The following SHISA6 variants were observed in gnomAD, a reference collection of about 807,000 sequenced individuals.
SHISA6 encodes the protein shisa family member 6, also known as protein shisa-6.
In SHISA6, 22 loss-of-function variants were observed where a neutral mutation model predicts 47.9. The ratio of observed to expected loss-of-function variants is 0.46; its 90% confidence interval spans 0.33 to 0.66. SHISA6 has a LOEUF of 0.66. Ranked by LOEUF, SHISA6 falls within the 30% of genes least tolerant of loss-of-function variation. The pLI, the probability that SHISA6 is intolerant of heterozygous loss-of-function variation, is 0.02. For missense variants in SHISA6, 680 were observed against 764.6 expected (o/e 0.89, Z 1.30); for synonymous variants, 388 against 337.8 (o/e 1.15, Z -1.63).
chr17:11,521,660 A>T (rs1412008224), intron 3 of SHISA6, among the ~76,000 whole-genome samples: 3 of 152,068 alleles, frequency 2.0e-5, no homozygotes, highest in Admixed American at 1.3e-4. Flanking sequence ...AAAATTAGCC[A>T]GGCAGAATGG....
At chr17:11,504,078 G>A (rs1335119805) in intron 3 of SHISA6, among the ~76,000 whole-genome samples, 2 of 152,192 alleles carry the variant, frequency 1.3e-5, no homozygotes, top group Non-Finnish European at 2.9e-5. Flanking sequence ...AAAGCAGTGG[G>A]TTGTATATAA....
At chr17:11,426,820 C>G (rs1447824095) in intron 3 of SHISA6, among the ~76,000 whole-genome samples, 1 of 152,008 alleles carries the variant, frequency 6.6e-6, no homozygotes, top group African/African-American at 2.4e-5. Flanking sequence ...GATTAGAAAG[C>G]CTTTCTCTAT....
intron 3 of SHISA6, among the ~76,000 whole-genome samples, chr17:11,387,617 G>T (rs1913240885): frequency 6.6e-6 from 1 of 152,204 alleles, no homozygotes; most frequent in African/African-American, 2.4e-5. Flanking sequence ...TAAGAGAGCA[G>T]GACAAGGGGA....
chr17:11,334,214 A>C (rs1400376148), intron 2 of SHISA6, among the ~76,000 whole-genome samples: 2 of 152,152 alleles, frequency 1.3e-5, no homozygotes, highest in African/African-American at 2.4e-5. Flanking sequence ...CTTGGGACTG[A>C]GCCTGTAAGT....
At chr17:11,306,199 G>A (rs1360482231) in intron 2 of SHISA6, among the ~76,000 whole-genome samples, 1 of 152,172 alleles carries the variant, frequency 6.6e-6, no homozygotes, top group Non-Finnish European at 1.5e-5. Flanking sequence ...TGGATCTTAA[G>A]CAATTCTCCT....
At chr17:11,335,029 CTA>C (rs1263967020) in intron 2 of SHISA6, among the ~76,000 whole-genome samples, 1 of 152,108 alleles carries the variant, frequency 6.6e-6, no homozygotes, top group Non-Finnish European at 1.5e-5. Context: ...TATTCAGTGG[CTA>C]TTGACAGGTG....
At chr17:11,496,772 A>G (rs1245104826) in intron 3 of SHISA6, among the ~76,000 whole-genome samples, 2 of 151,768 alleles carry the variant, frequency 1.3e-5, no homozygotes, top group East Asian at 3.9e-4. Flanking sequence ...AGAATGGGAT[A>G]GAAGTGGGAT....
chr17:11,423,326 TATAGATAGATAGATAGATAGATAG>T (rs57338481), intron 3 of SHISA6, among the ~76,000 whole-genome samples: 45 of 142,678 alleles, frequency 3.2e-4, no homozygotes, highest in African/African-American at 1.1e-3. Flanking sequence ...GTAACATATA[TATAGATAGATAGATAGATAGATAG>T]ATAGATAGAT....
intron 3 of SHISA6, among the ~76,000 whole-genome samples, chr17:11,381,842 C>T (rs1264758417): frequency 2.6e-5 from 4 of 152,170 alleles, no homozygotes; most frequent in African/African-American, 7.2e-5. Flanking sequence ...ACCACCTGCC[C>T]CTCCTGTGCG....
Position 11,532,496 on chromosome 17 carries a change from T to C in SHISA6, c.896-19400T>C, listed in dbSNP as rs187349356. On this transcript the variant is annotated intron_variant, in intron 3 of 5. Transcript: ENST00000441885. ...GGCTGTGCGCGCGCGTGTGTGTGTGTGCGCGCACGCGCGTATGTGTGTAAA... is the reference window on the plus strand; with the variant it reads ...GGCTGTGCGCGCGCGTGTGTGTGTGCGCGCGCACGCGCGTATGTGTGTAAA... 7.4e-4 allele frequency among the ~76,000 whole-genome samples: 112 copies of C among 152,302 alleles called. No homozygotes were observed. The East Asian group carries it at 0.01, about 14-fold the overall frequency.
chr17:11,420,980 G>A (rs1212831465), intron 3 of SHISA6, among the ~76,000 whole-genome samples: 1 of 152,142 alleles, frequency 6.6e-6, no homozygotes, highest in Non-Finnish European at 1.5e-5. Flanking sequence ...AGGACTGTAT[G>A]GGCTAAATGG....
intron 2 of SHISA6, chr17:11,289,449 T>G (rs1380159995): frequency 6.6e-6 from 1 of 152,052 alleles, no homozygotes; most frequent in East Asian, 1.9e-4. Flanking sequence ...AATTGGAAGT[T>G]TTCTTTTTCC....
intron 2 of SHISA6, among the ~76,000 whole-genome samples, chr17:11,329,732 A>G (rs567684020): frequency 6.6e-6 from 1 of 152,196 alleles, no homozygotes; most frequent in Non-Finnish European, 1.5e-5. Context: ...AGAAGATCCC[A>G]GCAAGGTCCA....
At chr17:11,426,058 C>G (rs1914603404) in intron 3 of SHISA6, among the ~76,000 whole-genome samples, 1 of 152,106 alleles carries the variant, frequency 6.6e-6, no homozygotes, top group African/African-American at 2.4e-5. Flanking sequence ...TGTTACCTCC[C>G]ACAAGGAAAC....
At chr17:11,323,991 A>G (rs151052991) in intron 2 of SHISA6, among the ~76,000 whole-genome samples, 75 of 152,308 alleles carry the variant, frequency 4.9e-4, no homozygotes, top group African/African-American at 1.7e-3. Flanking sequence ...AATGAGGGCT[A>G]TAACAAATAA....
chr17:11,303,773 T>C (rs1910009243), intron 2 of SHISA6, among the ~76,000 whole-genome samples: 1 of 152,122 alleles, frequency 6.6e-6, no homozygotes, highest in Non-Finnish European at 1.5e-5. Context: ...CAAAAGGTCA[T>C]AATAAAAGCT....
chr17:11,331,122 G>T (rs1053793213), intron 2 of SHISA6, among the ~76,000 whole-genome samples: 9 of 152,164 alleles, frequency 5.9e-5, no homozygotes, highest in African/African-American at 1.4e-4. Context: ...ACTCTCCCAG[G>T]GTGATCGGCC....
At chr17:11,281,651 G>T (rs1909123701) in intron 2 of SHISA6, among the ~76,000 whole-genome samples, 1 of 152,084 alleles carries the variant, frequency 6.6e-6, no homozygotes, top group Admixed American at 6.6e-5. Flanking sequence ...GAGTAATGCT[G>T]ACCTCATAAA....
intron 3 of SHISA6, among the ~76,000 whole-genome samples, chr17:11,434,114 A>T (rs2142292000): frequency 6.7e-6 from 1 of 148,644 alleles, no homozygotes; most frequent in East Asian, 2.0e-4. Flanking sequence ...CCCAGGCCAG[A>T]GTGCAGTAGC....
Sources: gnomAD v4.1 joint callset for allele counts (sites outside exome capture counted in the v4.1 genomes callset) on GRCh38, gnomAD v4.1.1 for gene constraint, MANE v1.5 for transcripts, NCBI Gene and HGNC (gene_info 2026-07-23, HGNC 2026-07-21) for gene names.